The following GRM1 variants were observed in gnomAD, a reference collection of about 807,000 sequenced individuals.
GRM1 encodes the protein metabotropic glutamate receptor 1.
Under a neutral mutation model 90.9 loss-of-function variants are expected in GRM1, and 33 were observed. That is an observed-to-expected ratio of 0.36 (90% CI 0.28 to 0.49). The LOEUF is 0.49. Ranked by LOEUF, GRM1 falls within the 20% of genes least tolerant of loss-of-function variation. GRM1 has a pLI of 0.99. For missense variants in GRM1, 1,190 were observed against 1,534.3 expected (o/e 0.78, Z 3.75); for synonymous variants, 700 against 613.2 (o/e 1.14, Z -2.09).
chr6:146,172,440 A>T (rs536582316), intron 2 of GRM1, among the ~76,000 whole-genome samples: 46 of 152,240 alleles, frequency 3.0e-4, no homozygotes, highest in Non-Finnish European at 5.3e-4. Flanking sequence ...TCTTTGCCGA[A>T]TGTATTCACT....
At chr6:146,262,199 G>A (rs956063557) in intron 2 of GRM1, among the ~76,000 whole-genome samples, 2 of 151,988 alleles carry the variant, frequency 1.3e-5, no homozygotes, top group African/African-American at 4.8e-5. Context: ...ACAGTTTGTT[G>A]TTATCTGCAC....
intron 2 of GRM1, among the ~76,000 whole-genome samples, chr6:146,204,567 T>A (rs1409282209): frequency 6.6e-6 from 1 of 152,206 alleles, no homozygotes; most frequent in Non-Finnish European, 1.5e-5. Context: ...ATGGGCCTGG[T>A]ATTAGAATAT....
intron 1 of GRM1, 93 bp from the exon 2 acceptor site, chr6:146,159,255 C>T: frequency 1.3e-6 from 2 of 1,493,070 alleles, no homozygotes; most frequent in Non-Finnish European, 1.9e-6. Context: ...AGTCCGTTCT[C>T]TCCATTCCTG....
At chr6:146,319,874 T>C (rs1422275516) in intron 3 of GRM1, among the ~76,000 whole-genome samples, 1 of 152,190 alleles carries the variant, frequency 6.6e-6, no homozygotes, top group Non-Finnish European at 1.5e-5. Flanking sequence ...GCTGAGTCGA[T>C]GGGGTTTTCT....
chr6:146,430,032 G>C (rs539923484), intron 7 of GRM1, among the ~76,000 whole-genome samples: 75 of 152,240 alleles, frequency 4.9e-4, no homozygotes, highest in Non-Finnish European at 9.0e-4. Context: ...CCCACCCACT[G>C]TTATTCCCAT....
chr6:146,385,971 G>T (rs1020121222), intron 5 of GRM1, among the ~76,000 whole-genome samples: 1 of 151,866 alleles, frequency 6.6e-6, no homozygotes, highest in African/African-American at 2.4e-5. Context: ...AGATAAAATA[G>T]AATGCTAAAA....
chr6:146,254,200 A>T (rs1449751424), intron 2 of GRM1, among the ~76,000 whole-genome samples: 1 of 152,284 alleles, frequency 6.6e-6, no homozygotes, highest in Admixed American at 6.5e-5. Flanking sequence ...GCTGAAACAA[A>T]CTGGTCTGGA....
At chr6:146,328,736 C>A (rs944306520) in intron 3 of GRM1, among the ~76,000 whole-genome samples, 3 of 152,064 alleles carry the variant, frequency 2.0e-5, no homozygotes, top group Non-Finnish European at 4.4e-5. Flanking sequence ...TCTTTCTGTT[C>A]TTTTGAATTC....
chr6:146,421,494 T>G (rs1777991415), intron 7 of GRM1, among the ~76,000 whole-genome samples: 1 of 152,092 alleles, frequency 6.6e-6, no homozygotes, highest in Non-Finnish European at 1.5e-5. Context: ...CAACATAAAA[T>G]ATGCCAAGTG....
At chr6:146,183,054 T>A (rs1210784829) in intron 2 of GRM1, among the ~76,000 whole-genome samples, 1 of 152,138 alleles carries the variant, frequency 6.6e-6, no homozygotes, top group Non-Finnish European at 1.5e-5. Flanking sequence ...CTCTACCTCA[T>A]GAGGTCTTCT....
chr6:146,327,953 G>A (rs961393837), intron 3 of GRM1, among the ~76,000 whole-genome samples: 4 of 152,166 alleles, frequency 2.6e-5, no homozygotes, highest in Non-Finnish European at 5.9e-5. Context: ...GGGACTATAA[G>A]GGACTGGATT....
At chr6:146,271,788 A>G (rs2223586) in intron 2 of GRM1, among the ~76,000 whole-genome samples, 17,514 of 152,228 alleles carry the variant, frequency 0.12, 2,007 homozygotes, top group African/African-American at 0.3. Context: ...GAATCTCACA[A>G]TTCACAGCTA....
chr6:146,392,305 C>A (rs967920959), intron 6 of GRM1, among the ~76,000 whole-genome samples: 4 of 152,100 alleles, frequency 2.6e-5, no homozygotes, highest in Non-Finnish European at 5.9e-5. Context: ...TAAAGTCTAT[C>A]CATGTGTGAA....
At chr6:146,105,415 C>T (rs1777194133) in intron 1 of GRM1, among the ~76,000 whole-genome samples, 1 of 151,546 alleles carries the variant, frequency 6.6e-6, no homozygotes, top group Non-Finnish European at 1.5e-5. Context: ...TTATAAACAA[C>T]CAAATGAAAC....
At chr6:146,318,457 T>C (rs1354234907) in intron 3 of GRM1, among the ~76,000 whole-genome samples, 2 of 152,234 alleles carry the variant, frequency 1.3e-5, no homozygotes, top group Non-Finnish European at 2.9e-5. Context: ...AGTGCTGCAA[T>C]AAACATACGT....
chr6:146,101,384 A>G (rs1170080127), intron 1 of GRM1, among the ~76,000 whole-genome samples: 1 of 152,036 alleles, frequency 6.6e-6, no homozygotes, highest in Non-Finnish European at 1.5e-5. Context: ...TCTTCCACTG[A>G]GCTACTCTCT....
intron 5 of GRM1, among the ~76,000 whole-genome samples, chr6:146,370,715 T>C (rs1315169358): frequency 2.0e-5 from 3 of 151,964 alleles, no homozygotes; most frequent in African/African-American, 7.2e-5. Context: ...CTGGCAGCCA[T>C]TGTGATACTG....
intron 1 of GRM1, among the ~76,000 whole-genome samples, chr6:146,111,423 A>G (rs1775554439): frequency 6.6e-6 from 1 of 152,244 alleles, no homozygotes; most frequent in Admixed American, 6.5e-5. Flanking sequence ...AGACTGTGAG[A>G]GAGATAGGCA....
chr6:146,209,572 A>G (rs1779612160), intron 2 of GRM1, among the ~76,000 whole-genome samples: 1 of 152,266 alleles, frequency 6.6e-6, no homozygotes, highest in Non-Finnish European at 1.5e-5. Flanking sequence ...AAAATTATGT[A>G]TAGATTTGAA....
Sources: gnomAD v4.1 joint callset for allele counts (sites outside exome capture counted in the v4.1 genomes callset) on GRCh38, gnomAD v4.1.1 for gene constraint, MANE v1.5 for transcripts, NCBI Gene and HGNC (gene_info 2026-07-23, HGNC 2026-07-21) for gene names.